CMTM4: variants seen among roughly 807,000 people sequenced by gnomAD.
CMTM4 encodes the protein CKLF like MARVEL transmembrane domain containing 4, also known as CKLF-like MARVEL transmembrane domain-containing protein 4.
Under a neutral mutation model 19.0 loss-of-function variants are expected in CMTM4, and 8 were observed. The observed-to-expected ratio is 0.42, with a 90% CI of 0.25 to 0.76. CMTM4 has a LOEUF of 0.76. CMTM4 is among the 30% of genes least tolerant of loss of function. CMTM4 has a pLI of 0.27. For synonymous variants in CMTM4, 106 were observed against 121.1 expected (o/e 0.88, Z 0.82); for missense variants, 228 against 290.2 (o/e 0.79, Z 1.56).
Position 66,617,425 on chromosome 16 carries a change from G to T in CMTM4, c.*4633C>A, listed in dbSNP as rs2015547171. ...CCAAATGGAAAAAGAATATATTCCA[G>T]ACAAAAGAAGGGAAAATACAATAGG... On this transcript the variant is annotated 3_prime_UTR_variant, in exon 4 of 4. Coordinates refer to ENST00000394106, the MANE Select transcript of CMTM4 (RefSeq NM_181521.3). 1.3e-6 allele frequency: 2 copies of T among 1,560,374 alleles called. No homozygotes were observed. The highest frequency in any genetic ancestry group is 4.6e-5 in the East Asian group (2 of 43,408).
intron 1 of CMTM4, among the ~76,000 whole-genome samples, chr16:66,645,737 G>A (rs2016182632): frequency 6.6e-6 from 1 of 152,116 alleles, no homozygotes; most frequent in Non-Finnish European, 1.5e-5. Context: ...CCAGCACTTT[G>A]GGAGGCTTAG....
intron 1 of CMTM4, among the ~76,000 whole-genome samples, chr16:66,665,865 T>TC (rs2016582840): frequency 1.3e-5 from 2 of 150,586 alleles, no homozygotes; most frequent in Non-Finnish European, 3.0e-5. Flanking sequence ...GGTTAGGAGT[T>TC]CGAGACCAGC....
intron 2 of CMTM4, among the ~76,000 whole-genome samples, chr16:66,624,915 G>GT (rs1052022868): frequency 2.6e-5 from 4 of 152,202 alleles, no homozygotes; most frequent in Admixed American, 6.5e-5. Context: ...TATGACCTGC[G>GT]TAAGCCAGGG....
the CMTM4 span, among the ~76,000 whole-genome samples, chr16:66,600,137 T>TG: frequency 0.035 from 3,696 of 105,166 alleles, 76 homozygotes; most frequent in African/African-American, 0.071. Context: ...TGTGTGTGTG[T>TG]TTTTTTTTGT....
intron 1 of CMTM4, among the ~76,000 whole-genome samples, chr16:66,647,665 C>G (rs1046108470): frequency 6.6e-6 from 1 of 152,020 alleles, no homozygotes; most frequent in African/African-American, 2.4e-5. Context: ...CCTTAATCAC[C>G]CACACAAAAC....
At chr16:66,644,097 C>T (rs549337355) in intron 1 of CMTM4, among the ~76,000 whole-genome samples, 3 of 152,252 alleles carry the variant, frequency 2.0e-5, no homozygotes, top group African/African-American at 4.8e-5. Flanking sequence ...TTTTATGTCT[C>T]CCAATGTACC....
chr16:66,604,577 G>A, the CMTM4 span: 18 of 335,750 alleles, frequency 5.4e-5, no homozygotes, highest in East Asian at 8.5e-4. Flanking sequence ...GGAGGCCCCA[G>A]GCCGGGGAGG....
intron 1 of CMTM4, among the ~76,000 whole-genome samples, chr16:66,672,214 A>G (rs970802274): frequency 4.6e-5 from 7 of 151,826 alleles, no homozygotes; most frequent in African/African-American, 7.3e-5. Flanking sequence ...CCTGGCCAAC[A>G]TGGTGAAACA....
intron 1 of CMTM4, among the ~76,000 whole-genome samples, chr16:66,679,464 C>T (rs1324934020): frequency 6.6e-6 from 1 of 152,128 alleles, no homozygotes; most frequent in Non-Finnish European, 1.5e-5. Context: ...TCTCTTGAGG[C>T]TGGAGACCCC....
In CMTM4 at chr16:66,651,587, A is replaced by G. The variant is rs549658019; in HGVS notation, c.187-15006T>C. On this transcript the variant is annotated intron_variant, in intron 1 of 3. Transcript: ENST00000394106. ...CTCATTCTCCTAGATAAGATGCCTA[A>G]CATATGACTTATCCAGAGTCTTCCC... Among the ~76,000 whole-genome samples, 4 of 152,276 alleles carry G rather than the reference A, an allele frequency of 2.6e-5. No homozygotes were observed. In the East Asian group the frequency reaches 7.7e-4, roughly 29 times the overall value.
Position 66,657,564 on chromosome 16 carries a change from G to A in CMTM4, c.187-20983C>T, listed in dbSNP as rs144306600. ...ATAAACACACAGAGAGAGAGAGACAGTAGAGGAAGGATAAAGCTAATATGG... is the reference window on the plus strand; with the variant it reads ...ATAAACACACAGAGAGAGAGAGACAATAGAGGAAGGATAAAGCTAATATGG... On this transcript the variant is annotated intron_variant, in intron 1 of 3. Coordinates refer to ENST00000394106, the MANE Select transcript of CMTM4 (RefSeq NM_181521.3). Among the ~76,000 whole-genome samples, 100 of 152,306 alleles carry A rather than the reference G, an allele frequency of 6.6e-4. 1 individual carries two copies. Among genetic ancestry groups the A allele is most frequent in the African/African-American group, 2.3e-3 (95 of 41,580 alleles).
chr16:66,645,843 G>A (rs1040021141), intron 1 of CMTM4, among the ~76,000 whole-genome samples: 5 of 152,028 alleles, frequency 3.3e-5, no homozygotes, highest in Non-Finnish European at 5.9e-5. Context: ...GCCGAGTGTG[G>A]TGGTGGGCGC....
At chr16:66,654,911 T>C (rs2016370456) in intron 1 of CMTM4, among the ~76,000 whole-genome samples, 1 of 152,162 alleles carries the variant, frequency 6.6e-6, no homozygotes, top group South Asian at 2.1e-4. Context: ...AGCCCTCAGA[T>C]ATATTTCCTG....
chr16:66,656,081 G>T (rs2016393081), intron 1 of CMTM4, among the ~76,000 whole-genome samples: 1 of 151,848 alleles, frequency 6.6e-6, no homozygotes, highest in African/African-American at 2.4e-5. Flanking sequence ...TTCTAGCCTG[G>T]GCAACAGAGC....
chr16:66,645,058 CG>C (rs2016166757), intron 1 of CMTM4, among the ~76,000 whole-genome samples: 1 of 149,494 alleles, frequency 6.7e-6, no homozygotes, highest in African/African-American at 2.5e-5. Flanking sequence ...CCAAGGTAGG[CG>C]GATCACCTGA....
intron 1 of CMTM4, among the ~76,000 whole-genome samples, chr16:66,689,829 G>A (rs11865834): frequency 0.055 from 8,421 of 152,060 alleles, 731 homozygotes; most frequent in African/African-American, 0.18. Context: ...CCATTATGCT[G>A]GGTTTTATTT....
At chr16:66,650,327 C>T (rs190472298) in intron 1 of CMTM4, among the ~76,000 whole-genome samples, 30 of 152,330 alleles carry the variant, frequency 2.0e-4, no homozygotes, top group Admixed American at 1.8e-3. Context: ...GAACCGAACA[C>T]CTGTTAATAG....
intron 1 of CMTM4, among the ~76,000 whole-genome samples, chr16:66,647,058 G>A (rs2016215419): frequency 6.8e-6 from 1 of 147,240 alleles, no homozygotes; most frequent in Non-Finnish European, 1.5e-5. Context: ...GCTCACACCT[G>A]CAATCCCAAC....
the CMTM4 span, among the ~76,000 whole-genome samples, chr16:66,607,744 CCT>C: frequency 6.6e-6 from 1 of 151,852 alleles, no homozygotes; most frequent in Non-Finnish European, 1.5e-5. Context: ...CTGACTAGGT[CCT>C]GTCAGGGAGC....
Sources: allele counts gnomAD v4.1 joint callset (sites outside exome capture counted in the v4.1 genomes callset), GRCh38; gene constraint gnomAD v4.1.1; transcripts MANE v1.5; gene names NCBI Gene and HGNC (gene_info 2026-07-23, HGNC 2026-07-21).